SLC24A3: variants seen among roughly 807,000 people sequenced by gnomAD.
The protein encoded by SLC24A3 is sodium/potassium/calcium exchanger 3.
A neutral mutation model predicts 75.8 loss-of-function variants in SLC24A3; 28 were observed. That is an observed-to-expected ratio of 0.37 (90% CI 0.27 to 0.51). The LOEUF (loss-of-function observed/expected upper bound fraction) is 0.51, where lower values mean the gene tolerates loss of function less well. SLC24A3 is among the 20% of genes least tolerant of loss of function. SLC24A3 has a pLI of 0.94. For missense variants in SLC24A3, 663 were observed against 847.8 expected, an observed-to-expected ratio of 0.78 and a Z score of 2.71; for synonymous variants, 372 against 334.1, an observed-to-expected ratio of 1.11 and a Z score of -1.24.
In SLC24A3 at chr20:19,647,697, T is replaced by A. The variant is rs553709310; in HGVS notation, c.613-6365T>A. Among the ~76,000 whole-genome samples the A allele has an allele frequency of 3.9e-5, 6 of 152,326 alleles. No homozygotes were observed. The East Asian group carries it at 1.2e-3, about 29-fold the overall frequency. On this transcript the variant is annotated intron_variant, in intron 6 of 16. Transcript: ENST00000328041. The stretch of plus-strand genomic sequence containing the variant: ...TGAAAACTGCACATAATTTTGTGGA[T>A]GATTGAGAAGGCATGTCTGAGTCCT...
In SLC24A3 at chr20:19,511,148, C is replaced by G. The variant is rs550886759; in HGVS notation, c.272-4340C>G. On this transcript the variant is annotated intron_variant, in intron 2 of 16. Transcript: ENST00000328041. ...GACACTGTGCCAGCCCCTTCCCCTCCCTGCCTCATCTCTCCACCCTGCTCC... is the reference window on the plus strand; with the variant it reads ...GACACTGTGCCAGCCCCTTCCCCTCGCTGCCTCATCTCTCCACCCTGCTCC... 7.2e-5 allele frequency among the ~76,000 whole-genome samples: 11 copies of G among 152,104 alleles called. No individual in the cohort carries two copies. The East Asian group carries it at 2.1e-3, about 29-fold the overall frequency.
At chr20:19,400,236 A>T (rs1186925706) in intron 2 of SLC24A3, among the ~76,000 whole-genome samples, 1 of 151,988 alleles carries the variant, frequency 6.6e-6, no homozygotes, top group Non-Finnish European at 1.5e-5. Context: ...TAGGTGCTGG[A>T]TATGTTTGTA....
chr20:19,636,964 AAAG>A (rs201237784), intron 6 of SLC24A3, among the ~76,000 whole-genome samples: 7 of 152,280 alleles, frequency 4.6e-5, no homozygotes, highest in South Asian at 4.1e-4. Context: ...GCTATTTAAA[AAAG>A]AAGAAGAAGA....
chr20:19,228,538 G>A (rs990434038), intron 1 of SLC24A3, among the ~76,000 whole-genome samples: 2 of 151,924 alleles, frequency 1.3e-5, no homozygotes, highest in Non-Finnish European at 2.9e-5. Context: ...TCAGCTACTC[G>A]GGAGACTGAG....
chr20:19,406,525 C>T (rs184131585), intron 2 of SLC24A3, among the ~76,000 whole-genome samples: 3 of 152,262 alleles, frequency 2.0e-5, no homozygotes, highest in East Asian at 3.9e-4. Context: ...CCACTCTGAA[C>T]AAACAGGATG....
intron 3 of SLC24A3, among the ~76,000 whole-genome samples, chr20:19,536,681 T>C (rs1224498568): frequency 6.6e-6 from 1 of 152,100 alleles, no homozygotes; most frequent in South Asian, 2.1e-4. Flanking sequence ...AACAGAGATA[T>C]AGACCAATGG....
chr20:19,331,995 G>A (rs1176134702), intron 2 of SLC24A3, among the ~76,000 whole-genome samples: 2 of 152,188 alleles, frequency 1.3e-5, no homozygotes, highest in African/African-American at 2.4e-5. Flanking sequence ...CGCTGCAAAG[G>A]CACCCAAGCC....
At chr20:19,333,766 C>T (rs1445601166) in intron 2 of SLC24A3, among the ~76,000 whole-genome samples, 2 of 152,044 alleles carry the variant, frequency 1.3e-5, no homozygotes, top group East Asian at 3.9e-4. Context: ...GAAGGAGCGA[C>T]ATTAGTATAA....
At chr20:19,295,147 G>C (rs1984030498) in intron 2 of SLC24A3, among the ~76,000 whole-genome samples, 1 of 152,094 alleles carries the variant, frequency 6.6e-6, no homozygotes, top group Admixed American at 6.5e-5. Flanking sequence ...ATTTTTAATG[G>C]GGTTGTTTGT....
chr20:19,567,133 T>C (rs752556602), intron 3 of SLC24A3, among the ~76,000 whole-genome samples: 1 of 152,242 alleles, frequency 6.6e-6, no homozygotes, highest in Non-Finnish European at 1.5e-5. Context: ...GAACTTATCA[T>C]TCGACCTAGC....
Position 19,212,719 on chromosome 20 carries a change from G to A in SLC24A3, c.-124G>A, listed in dbSNP as rs1185566814. On this transcript the variant is annotated 5_prime_UTR_variant, in exon 1 of 17. It adds an upstream start codon to the 5' untranslated region. Coordinates refer to ENST00000328041, the MANE Select transcript of SLC24A3 (RefSeq NM_020689.4). ...AAGAGGAGGCGGAGGCGGCGGCCGG[G>A]TGGGAGCGCAGCGAGGACGCGCGGC... 1 of 766,148 alleles carries A rather than the reference G, an allele frequency of 1.3e-6. No individual in the cohort carries two copies. The highest frequency in any genetic ancestry group is 6.4e-5 in the Admixed American group (1 of 15,506). The allele number at this position is 766,148 out of a possible 1,614,324, so 47.5% of individuals were successfully genotyped here.
At chr20:19,339,301 C>T (rs903876621) in intron 2 of SLC24A3, among the ~76,000 whole-genome samples, 66 of 150,676 alleles carry the variant, frequency 4.4e-4, no homozygotes, top group Middle Eastern at 3.4e-3. Flanking sequence ...TTTTTTTTTT[C>T]CCCTTGTGCA....
intron 2 of SLC24A3, among the ~76,000 whole-genome samples, chr20:19,372,724 G>C (rs886574842): frequency 6.6e-6 from 1 of 152,156 alleles, no homozygotes; most frequent in African/African-American, 2.4e-5. Context: ...TATGAAGAGT[G>C]ATGGAGCGGG....
chr20:19,644,849 A>G (rs549790428), intron 6 of SLC24A3, among the ~76,000 whole-genome samples: 1 of 152,302 alleles, frequency 6.6e-6, no homozygotes, highest in African/African-American at 2.4e-5. Flanking sequence ...AGGGCTTCCA[A>G]CTCTGAAAAC....
chr20:19,650,853 A>G (rs1038488253), intron 6 of SLC24A3, among the ~76,000 whole-genome samples: 18 of 152,048 alleles, frequency 1.2e-4, no homozygotes, highest in African/African-American at 3.9e-4. Flanking sequence ...TCTATGTTCT[A>G]TTCTTAGAGC....
chr20:19,321,764 T>G (rs1418751543), intron 2 of SLC24A3, among the ~76,000 whole-genome samples: 2 of 152,216 alleles, frequency 1.3e-5, no homozygotes, highest in Non-Finnish European at 2.9e-5. Context: ...CAAATTAATG[T>G]CAATAATGTC....
chr20:19,665,792 CGTGTGTGTGT>C lies in SLC24A3; in HGVS notation c.688-41_688-32del, dbSNP rs58371474. The C allele has an allele frequency of 2.6e-3, 3,143 of 1,201,294 alleles. 2 individuals carry two copies. The highest frequency in any genetic ancestry group is 3.0e-3 in the Non-Finnish European group (2,697 of 885,930). 74.4% of individuals were successfully genotyped at this position (1,201,294 alleles called of 1,614,324 possible). A position where few individuals can be genotyped will look rare whatever the true frequency, so the allele number is the denominator to read the frequency against. ...GTGGATACTGCGTGCAGCCTTAAAG[CGTGTGTGTGT>C]GTGTGTGTGTGTGTGTGTGTGTGTG... On this transcript the variant is annotated intron_variant, in intron 7 of 16. Transcript: ENST00000328041.
intron 3 of SLC24A3, among the ~76,000 whole-genome samples, chr20:19,526,345 G>C (rs984850807): frequency 1.3e-5 from 2 of 152,158 alleles, no homozygotes; most frequent in African/African-American, 4.8e-5. Context: ...AATATTCTGG[G>C]CCTCAGTGTC....
intron 2 of SLC24A3, among the ~76,000 whole-genome samples, chr20:19,468,719 G>A (rs758547075): frequency 1.3e-5 from 2 of 152,186 alleles, no homozygotes; most frequent in African/African-American, 4.8e-5. Context: ...GCTCAGGCTT[G>A]TTGTCTTCTC....
Sources: allele counts gnomAD v4.1 joint callset (sites outside exome capture counted in the v4.1 genomes callset), GRCh38; gene constraint gnomAD v4.1.1; transcripts MANE v1.5; gene names NCBI Gene and HGNC (gene_info 2026-07-23, HGNC 2026-07-21).